WDR1: variants seen among roughly 807,000 people sequenced by gnomAD.
WDR1 encodes WD repeat domain 1, also known as WD repeat-containing protein 1.
WDR1 carries 21 observed loss-of-function variants against 71.9 expected under a neutral mutation model. The observed-to-expected ratio is 0.29, with a 90% CI of 0.21 to 0.42. The LOEUF (loss-of-function observed/expected upper bound fraction) is 0.42, where lower values mean the gene tolerates loss of function less well. Ranked by LOEUF, WDR1 falls within the 10% of genes least tolerant of loss-of-function variation. The pLI, the probability that WDR1 is intolerant of heterozygous loss-of-function variation, is 1.00. For synonymous variants in WDR1, 424 were observed against 347.4 expected, an observed-to-expected ratio of 1.22 and a Z score of -2.45; for missense variants, 696 against 824.5, an observed-to-expected ratio of 0.84 and a Z score of 1.91.
In WDR1 at chr4:10,098,981, G is replaced by A. The variant is rs1315384654; in HGVS notation, c.377+11C>T. 4 of 1,613,942 alleles carry A rather than the reference G, an allele frequency of 2.5e-6. No homozygotes were observed. The highest frequency in any genetic ancestry group is 3.4e-6 in the Non-Finnish European group (4 of 1,179,856). On this transcript the variant is annotated intron_variant, in intron 4 of 14. Coordinates refer to ENST00000499869, the MANE Select transcript of WDR1 (RefSeq NM_017491.5). ...CAACAGGGCAGGGAGGGGCTGAGAG[G>A]AGTGACTCACTTCTCCCTTCCTTCC...
chr4:10,093,285 T>A, intron 5 of WDR1: 2 of 472,780 alleles, frequency 4.2e-6, no homozygotes, highest in Non-Finnish European at 7.2e-6. Flanking sequence ...GCCTATGAGC[T>A]GGTAGAAGGG....
intron 10 of WDR1, among the ~76,000 whole-genome samples, chr4:10,082,332 C>G (rs947264095): frequency 6.6e-6 from 1 of 151,730 alleles, no homozygotes; most frequent in African/African-American, 2.4e-5. Context: ...CCAGGCAACA[C>G]GACTTAGGCA....
At chr4:10,101,091 A>G (rs972510986) in intron 3 of WDR1, among the ~76,000 whole-genome samples, 1 of 152,264 alleles carries the variant, frequency 6.6e-6, no homozygotes, top group Non-Finnish European at 1.5e-5. Flanking sequence ...CCAACTCCCA[A>G]GGGCAGCCTG....
intron 2 of WDR1, among the ~76,000 whole-genome samples, chr4:10,111,040 C>T (rs150346335): frequency 2.6e-4 from 39 of 152,350 alleles, no homozygotes; most frequent in African/African-American, 6.7e-4. Flanking sequence ...ACGGAACCTG[C>T]GCTGACGCCG....
intron 3 of WDR1, among the ~76,000 whole-genome samples, chr4:10,102,145 C>T (rs938830157): frequency 2.6e-5 from 4 of 152,188 alleles, no homozygotes; most frequent in Non-Finnish European, 5.9e-5. Flanking sequence ...TGACAGGTAA[C>T]GGGTCACCCA....
intron 8 of WDR1, among the ~76,000 whole-genome samples, chr4:10,084,940 C>A (rs569719103): frequency 4.6e-5 from 7 of 152,248 alleles, no homozygotes; most frequent in African/African-American, 7.2e-5. Context: ...TGGCCACATT[C>A]GCTTCAGGCC....
chr4:10,078,640 TC>T, intron 12 of WDR1: 1 of 427,484 alleles, frequency 2.3e-6, no homozygotes, highest in Non-Finnish European at 4.2e-6. Context: ...TACCTCACTG[TC>T]CACAGTCTTG....
Position 10,075,109 on chromosome 4 carries a change from A to C in WDR1, c.*269T>G. The C allele has an allele frequency of 2.1e-6, 1 of 474,406 alleles. No individual in the cohort carries two copies. Among genetic ancestry groups the C allele is most frequent in the Non-Finnish European group, 3.7e-6 (1 of 269,100 alleles). The allele number at this position is 474,406 out of a possible 1,614,324, so 29.4% of individuals were successfully genotyped here. Reference sequence around the variant, plus strand: ...GCCTCTGGAATGTTTCGCATTCTCAAGGTTTGGTTGGGCTGTGGGTTTTAG... The same window carrying C: ...GCCTCTGGAATGTTTCGCATTCTCACGGTTTGGTTGGGCTGTGGGTTTTAG... On this transcript the variant is annotated 3_prime_UTR_variant, in exon 15 of 15. Coordinates refer to ENST00000499869, the MANE Select transcript of WDR1 (RefSeq NM_017491.5).
At chr4:10,103,587 A>G (rs1174981115) in intron 3 of WDR1, among the ~76,000 whole-genome samples, 2 of 152,172 alleles carry the variant, frequency 1.3e-5, no homozygotes, top group African/African-American at 4.8e-5. Flanking sequence ...CTTGAAAAGA[A>G]AAAAGAAAAG....
intron 14 of WDR1, 153 bp from the exon 15 acceptor site, chr4:10,075,637 G>C: frequency 1.4e-6 from 1 of 697,682 alleles, no homozygotes; most frequent in Non-Finnish European, 2.5e-6. Context: ...TGGCACGGTG[G>C]CAGTGTGGCT....
chr4:10,099,097 T>G lies in WDR1; in HGVS notation c.272A>C (p.Glu91Ala), dbSNP rs777963133. Residue 91 changes from glutamate (E) to alanine (A), a missense_variant, in exon 4 of 15, where the codon GAG (glutamate) becomes GCG (alanine). By Grantham distance (107) the Glu-to-Ala change is moderately radical. Coordinates refer to ENST00000499869, the MANE Select transcript of WDR1 (RefSeq NM_017491.5). ...KLRIWDTTQK[E>A]HLLKYEYQPF... ...CTGGTACTCATACTTCAACAGGTGC[T>G]CCTTCTGCGTGGTATCCCAGATCCT... 6.3e-7 allele frequency: 1 copy of G among 1,578,830 alleles called. No individual in the cohort carries two copies. The highest frequency in any genetic ancestry group is 1.7e-5 in the Admixed American group (1 of 58,332).
intron 2 of WDR1, among the ~76,000 whole-genome samples, chr4:10,105,707 G>A (rs1578444750): frequency 6.6e-6 from 1 of 152,122 alleles, no homozygotes; most frequent in African/African-American, 2.4e-5. Flanking sequence ...AAAAGAGTTG[G>A]GCAGGTTATT....
chr4:10,079,155 C>A (rs1365608887), intron 11 of WDR1, among the ~76,000 whole-genome samples, 154 bp from the exon 12 acceptor site: 2 of 152,200 alleles, frequency 1.3e-5, no homozygotes, highest in African/African-American at 2.4e-5. Context: ...CTGAGCCACA[C>A]CACCTGGACT....
At position 10,116,789 on chromosome 4, in the gene WDR1, G is replaced by A. The variant is rs1313422224; in HGVS notation, c.-123C>T. ...GCCGGAAGGCGGCACCGGGCGTGCC[G>A]GGAGTGGAGTGGGCGGTCCGAGGCC... is the stretch of plus-strand genomic sequence containing the variant. On this transcript the variant is annotated 5_prime_UTR_variant, in exon 1 of 15. Coordinates refer to ENST00000499869, the MANE Select transcript of WDR1 (RefSeq NM_017491.5). The A allele has an allele frequency of 4.3e-6, 5 of 1,162,702 alleles. No homozygotes were observed. The highest frequency in any genetic ancestry group is 3.2e-5 in the South Asian group (1 of 31,444). The allele number at this position is 1,162,702 out of a possible 1,614,324, so 72.0% of individuals were successfully genotyped here. A position where few individuals can be genotyped will look rare whatever the true frequency, so the allele number is the denominator to read the frequency against.
At position 10,084,550 on chromosome 4, in the gene WDR1, G is replaced by T. The variant is rs774718298; in HGVS notation, c.952-20C>A. ...GTGACCCTGTGAAGGAGACACACTG[G>T]GCGGGTAAGCTGATGACACACTGCC... On this transcript the variant is annotated intron_variant, in intron 8 of 14. Transcript: ENST00000499869. 1 of 1,612,014 alleles carries T rather than the reference G, an allele frequency of 6.2e-7. No homozygotes were observed. The highest frequency in any genetic ancestry group is 1.1e-5 in the South Asian group (1 of 90,928).
chr4:10,077,248 C>T, intron 14 of WDR1, 56 bp downstream of exon 14: 1 of 1,605,992 alleles, frequency 6.2e-7, no homozygotes, highest in Non-Finnish European at 8.5e-7. Flanking sequence ...TGTGAGGTGG[C>T]CCATGGAGCC....
intron 5 of WDR1, among the ~76,000 whole-genome samples, chr4:10,095,078 G>A (rs1383271187): frequency 1.3e-5 from 2 of 152,366 alleles, no homozygotes; most frequent in Middle Eastern, 3.4e-3. Context: ...GGCCTCTGCA[G>A]GGAGTGGGTG....
At chr4:10,110,044 T>A (rs1713257198) in intron 2 of WDR1, among the ~76,000 whole-genome samples, 1 of 146,564 alleles carries the variant, frequency 6.8e-6, no homozygotes, top group Admixed American at 6.7e-5. Context: ...CAAAATACAC[T>A]CAACAAAGAA....
At chr4:10,082,033 G>A (rs1377337881) in intron 10 of WDR1, among the ~76,000 whole-genome samples, 1 of 152,216 alleles carries the variant, frequency 6.6e-6, no homozygotes, top group African/African-American at 2.4e-5. Flanking sequence ...CCAGGCCAAG[G>A]CTGGCTCTGT....
Sources: allele counts gnomAD v4.1 joint callset (sites outside exome capture counted in the v4.1 genomes callset), GRCh38; gene constraint gnomAD v4.1.1; transcripts MANE v1.5; gene names NCBI Gene and HGNC (gene_info 2026-07-23, HGNC 2026-07-21).